The following PCCB variants were observed in gnomAD, a reference collection of about 807,000 sequenced individuals.
PCCB encodes propionyl-CoA carboxylase beta chain, mitochondrial.
A neutral mutation model predicts 60.7 loss-of-function variants in PCCB; 43 were observed. The observed-to-expected ratio is 0.71, with a 90% CI of 0.55 to 0.91. PCCB has a LOEUF of 0.91. PCCB is among the 40% of genes least tolerant of loss of function. The pLI is 0.00. For missense variants in PCCB, 766 were observed against 702.8 expected (o/e 1.09, Z -1.02); for synonymous variants, 276 against 255.9 (o/e 1.08, Z -0.75).
intron 6 of PCCB, among the ~76,000 whole-genome samples, chr3:136,293,033 G>A (rs2108196158): frequency 6.6e-6 from 1 of 152,206 alleles, no homozygotes; most frequent in Middle Eastern, 3.4e-3. Context: ...TTGTTTTTGA[G>A]ACAGGTTTTT....
At position 136,325,883 on chromosome 3, in the gene PCCB, A is replaced by G. The variant is rs575628514; in HGVS notation, c.1091-920A>G. 1.9e-4 allele frequency among the ~76,000 whole-genome samples: 29 copies of G among 152,002 alleles called. No homozygotes were observed. In the East Asian group the frequency reaches 5.5e-3, roughly 29 times the overall value. The stretch of plus-strand genomic sequence containing the variant: ...GGCTGGAGTGCAGTGGCATGATTTC[A>G]GCTCACTGCAAGCTCCGCCTCCCGG... On this transcript the variant is annotated intron_variant, in intron 10 of 14. Coordinates refer to ENST00000251654, the MANE Select transcript of PCCB (RefSeq NM_000532.5).
chr3:136,262,501 C>T (rs1941853533), intron 5 of PCCB, among the ~76,000 whole-genome samples: 1 of 152,152 alleles, frequency 6.6e-6, no homozygotes. Flanking sequence ...AGAATGAAAT[C>T]ACCCCAGATC....
chr3:136,268,103 T>TATATATGTATATATATAC (rs1942076548), intron 5 of PCCB, among the ~76,000 whole-genome samples: 2 of 125,530 alleles, frequency 1.6e-5, no homozygotes, highest in Non-Finnish European at 3.2e-5. Context: ...TATATATATA[T>TATATATGTATATATATAC]ATATATATAT....
chr3:136,305,777 A>G (rs1463006875), intron 9 of PCCB, among the ~76,000 whole-genome samples: 1 of 119,962 alleles, frequency 8.3e-6, no homozygotes, highest in African/African-American at 2.5e-5. Context: ...AAAAAAAGTG[A>G]ATATGCTAGA....
chr3:136,268,617 G>A (rs1361291933), intron 5 of PCCB, among the ~76,000 whole-genome samples: 1 of 151,822 alleles, frequency 6.6e-6, no homozygotes, highest in Non-Finnish European at 1.5e-5. Flanking sequence ...TCACGTGCCA[G>A]CACACCTAGC....
Position 136,328,755 on chromosome 3 carries a change from CAG to C in PCCB, c.1399-2_1399-1del, listed in dbSNP as rs1317123493. 2.5e-6 allele frequency: 4 copies of C among 1,612,318 alleles called. No homozygotes were observed. Among genetic ancestry groups the C allele is most frequent in the Non-Finnish European group, 3.4e-6 (4 of 1,178,448 alleles). ...AGATGTTCATGAACTCCTCTAATCA[CAG>C]GGCGCTGTGGAGATCATCTTCAAAG... On this transcript the variant is annotated splice_acceptor_variant, in intron 13 of 14. Coordinates refer to ENST00000251654, the MANE Select transcript of PCCB (RefSeq NM_000532.5). LOFTEE classifies it high-confidence loss of function.
At chr3:136,262,897 C>T (rs1038264101) in intron 5 of PCCB, among the ~76,000 whole-genome samples, 1 of 151,150 alleles carries the variant, frequency 6.6e-6, no homozygotes, top group African/African-American at 2.4e-5. Flanking sequence ...CATTTTAGAG[C>T]TTGACTGGAT....
chr3:136,316,227 GAAAAA>G (rs796178619), intron 9 of PCCB, among the ~76,000 whole-genome samples: 24 of 112,880 alleles, frequency 2.1e-4, no homozygotes, highest in Non-Finnish European at 4.1e-4. Context: ...CTCAAAAAAA[GAAAAA>G]AAAAAAAAGC....
chr3:136,266,510 C>T (rs1254614077), intron 5 of PCCB, among the ~76,000 whole-genome samples: 1 of 152,100 alleles, frequency 6.6e-6, no homozygotes, highest in Non-Finnish European at 1.5e-5. Context: ...CAGCCTCGAC[C>T]TCCTGGGGTC....
rs144468117 is a variant in PCCB at position 136,286,845 on chromosome 3, A to G, written c.654+2898A>G. On this transcript the variant is annotated intron_variant, in intron 6 of 14. Transcript: ENST00000251654. ...TAGTAGTTTGAGACCAGCATGGCCA[A>G]CATGATGAAACCCTGTCTCTACTAA... 7.7e-3 allele frequency among the ~76,000 whole-genome samples: 1,170 copies of G among 152,140 alleles called. 11 individuals carry two copies. The highest frequency in any genetic ancestry group is 0.013 in the Non-Finnish European group (898 of 67,980).
chr3:136,297,339 G>A (rs1450068055), intron 7 of PCCB, among the ~76,000 whole-genome samples: 7 of 152,162 alleles, frequency 4.6e-5, no homozygotes, highest in Admixed American at 4.6e-4. Flanking sequence ...GGAGTCTGGT[G>A]GGATGAACCT....
intron 10 of PCCB, among the ~76,000 whole-genome samples, chr3:136,320,947 AG>A (rs1265566589): frequency 1.3e-5 from 2 of 152,184 alleles, no homozygotes; most frequent in Non-Finnish European, 2.9e-5. Context: ...GTATAATGTT[AG>A]CTGTGGGTTT....
At position 136,262,195 on chromosome 3, in the gene PCCB, G is replaced by T. The variant is rs1941847243; in HGVS notation, c.543+130G>T. On this transcript the variant is annotated intron_variant, in intron 5 of 14. Transcript: ENST00000251654. ...TGTGTCTGTTCTGTGGGTCCTTTCT[G>T]TGTCACTGGGGGTGGGATGAAGGGT... 5.7e-6 allele frequency: 4 copies of T among 704,300 alleles called. No homozygotes were observed. The South Asian group carries it at 6.0e-5, about 11-fold the overall frequency. 43.6% of individuals were successfully genotyped at this position (704,300 alleles called of 1,614,324 possible).
At chr3:136,260,201 GT>G (rs1941783351) in intron 3 of PCCB, 1 of 486,856 alleles carries the variant, frequency 2.1e-6, no homozygotes, top group African/African-American at 2.0e-5. Context: ...AGCCTCCCGA[GT>G]AGCTGGGATT....
intron 4 of PCCB, 143 bp downstream of exon 4, chr3:136,260,678 G>A: frequency 1.4e-6 from 1 of 722,348 alleles, no homozygotes; most frequent in Non-Finnish European, 2.4e-6. Flanking sequence ...CCGAAGGGGT[G>A]CATAACAATT....
At chr3:136,253,163 C>T (rs1384567252) in intron 1 of PCCB, among the ~76,000 whole-genome samples, 3 of 146,136 alleles carry the variant, frequency 2.1e-5, no homozygotes, top group Non-Finnish European at 4.5e-5. Context: ...GGTCTTGGCT[C>T]ACTGCAAGCT....
chr3:136,255,099 C>T (rs1404600324), intron 1 of PCCB, among the ~76,000 whole-genome samples: 3 of 152,070 alleles, frequency 2.0e-5, no homozygotes, highest in African/African-American at 4.8e-5. Flanking sequence ...TGGTCTCGAT[C>T]TCCTGACCTT....
chr3:136,268,084 G>GTATA (rs1296672355), intron 5 of PCCB, among the ~76,000 whole-genome samples: 10 of 60,940 alleles, frequency 1.6e-4, no homozygotes, highest in Admixed American at 8.7e-4. Context: ...GTGTGTGTGT[G>GTATA]TAGATATATA....
At chr3:136,289,693 A>G (rs1024225087) in intron 6 of PCCB, among the ~76,000 whole-genome samples, 2 of 143,182 alleles carry the variant, frequency 1.4e-5, no homozygotes, top group Admixed American at 1.4e-4. Context: ...TTTTTGTTGT[A>G]TTTGTTCTTA....
Sources: gnomAD v4.1 joint callset for allele counts (sites outside exome capture counted in the v4.1 genomes callset) on GRCh38, gnomAD v4.1.1 for gene constraint, MANE v1.5 for transcripts, NCBI Gene and HGNC (gene_info 2026-07-23, HGNC 2026-07-21) for gene names.